NFIB: variants seen among roughly 807,000 people sequenced by gnomAD.
NFIB encodes nuclear factor I B, also known as nuclear factor 1 B-type.
Under a neutral mutation model 61.5 loss-of-function variants are expected in NFIB, and 11 were observed. The ratio of observed to expected loss-of-function variants is 0.18; its 90% CI spans 0.11 to 0.30. The LOEUF (loss-of-function observed/expected upper bound fraction) is 0.30. Among genes scored for constraint, NFIB ranks in the 10% least tolerant of loss-of-function variants. The pLI is 1.00. For synonymous variants in NFIB, 260 were observed against 216.5 expected (o/e 1.20, Z -1.76); for missense variants, 471 against 608.9 (o/e 0.77, Z 2.38).
chr9:14,347,173 A>T (rs972011438), intron 1 of NFIB: 1 of 152,148 alleles, frequency 6.6e-6, no homozygotes, highest in Non-Finnish European at 1.5e-5. Context: ...AAAAATCTTA[A>T]AAAAGAGAAA....
intron 1 of NFIB, among the ~76,000 whole-genome samples, chr9:14,312,580 G>A (rs975024675): frequency 6.6e-6 from 1 of 152,182 alleles, no homozygotes; most frequent in Admixed American, 6.5e-5. Flanking sequence ...TAAGTCTGTT[G>A]GGTCTCGCCG....
At chr9:14,348,873 C>G (rs957304650) in intron 1 of NFIB, among the ~76,000 whole-genome samples, 1 of 152,242 alleles carries the variant, frequency 6.6e-6, no homozygotes, top group South Asian at 2.1e-4. Flanking sequence ...TCGGAAACCA[C>G]GAAGCTTGCG....
intron 2 of NFIB, among the ~76,000 whole-genome samples, chr9:14,269,820 T>C (rs2057471758): frequency 6.6e-6 from 1 of 152,130 alleles, no homozygotes; most frequent in Admixed American, 6.6e-5. Flanking sequence ...AAAATCGCAG[T>C]CACCCTCAAA....
At chr9:14,335,620 T>C (rs2060877756) in intron 1 of NFIB, among the ~76,000 whole-genome samples, 2 of 152,204 alleles carry the variant, frequency 1.3e-5, no homozygotes, top group African/African-American at 4.8e-5. Flanking sequence ...TGCAATATTT[T>C]CTGCCACACT....
intron 2 of NFIB, among the ~76,000 whole-genome samples, chr9:14,253,408 T>C (rs898003628): frequency 2.0e-5 from 3 of 152,132 alleles, no homozygotes; most frequent in African/African-American, 2.4e-5. Context: ...AGGCTGGAAA[T>C]GTACAGAGGC....
chr9:14,110,315 A>T (rs2037169929), intron 10 of NFIB, among the ~76,000 whole-genome samples: 1 of 152,098 alleles, frequency 6.6e-6, no homozygotes, highest in Non-Finnish European at 1.5e-5. Flanking sequence ...TTCATAACCT[A>T]AAAGGATAAA....
At chr9:14,134,913 A>AAAAAAAAG (rs2040859087) in intron 6 of NFIB, among the ~76,000 whole-genome samples, 20 of 133,382 alleles carry the variant, frequency 1.5e-4, no homozygotes, top group Admixed American at 4.1e-4. Context: ...AAAAAAAAAA[A>AAAAAAAAG]AAAAAAAGGA....
chr9:14,326,367 G>T (rs567143712), intron 1 of NFIB, among the ~76,000 whole-genome samples: 176 of 152,310 alleles, frequency 1.2e-3, no homozygotes, highest in African/African-American at 4.1e-3. Flanking sequence ...CTGCAGTGGA[G>T]TTGAAACACC....
At chr9:14,426,909 A>G in the NFIB span, among the ~76,000 whole-genome samples, 2 of 152,148 alleles carry the variant, frequency 1.3e-5, no homozygotes, top group Non-Finnish European at 2.9e-5. Flanking sequence ...AGCCATACTG[A>G]GATCCAGCAG....
At chr9:14,219,050 T>G (rs1031972503) in intron 2 of NFIB, among the ~76,000 whole-genome samples, 2 of 152,150 alleles carry the variant, frequency 1.3e-5, no homozygotes. Context: ...GTGCTGGCTC[T>G]TCATTAAGGG....
At chr9:14,164,132 A>G (rs2044506301) in intron 3 of NFIB, among the ~76,000 whole-genome samples, 1 of 152,028 alleles carries the variant, frequency 6.6e-6, no homozygotes, top group Non-Finnish European at 1.5e-5. Flanking sequence ...AATATTTAAA[A>G]AAATAAATAA....
intron 2 of NFIB, among the ~76,000 whole-genome samples, chr9:14,259,109 G>A (rs190847286): frequency 1.3e-5 from 2 of 152,324 alleles, no homozygotes; most frequent in East Asian, 3.9e-4. Context: ...CTTTGGTATT[G>A]AGTGAACCCT....
intron 3 of NFIB, among the ~76,000 whole-genome samples, chr9:14,163,702 G>C (rs535113441): frequency 6.6e-6 from 1 of 151,996 alleles, no homozygotes; most frequent in African/African-American, 2.4e-5. Context: ...TTTAAGAATT[G>C]AACATGACTG....
the NFIB span, among the ~76,000 whole-genome samples, chr9:14,422,870 G>A: frequency 0.16 from 24,383 of 152,110 alleles, 2,495 homozygotes; most frequent in African/African-American, 0.28. Flanking sequence ...GGAGGATGCT[G>A]GGCATGTAAA....
chr9:14,363,187 T>C (rs1481731450), intron 1 of NFIB, among the ~76,000 whole-genome samples: 1 of 152,102 alleles, frequency 6.6e-6, no homozygotes, highest in African/African-American at 2.4e-5. Context: ...AAACACAAAC[T>C]CTTTGTCTTT....
chr9:14,279,813 A>G (rs181352888), intron 2 of NFIB, among the ~76,000 whole-genome samples: 1 of 152,312 alleles, frequency 6.6e-6, no homozygotes, highest in African/African-American at 2.4e-5. Flanking sequence ...AATGTAAACA[A>G]TGGTCCTGTA....
intron 1 of NFIB, among the ~76,000 whole-genome samples, chr9:14,354,928 C>T (rs898055428): frequency 2.6e-5 from 4 of 151,886 alleles, no homozygotes; most frequent in African/African-American, 9.7e-5. Context: ...ATTCCTTGTG[C>T]GGCAGGGGAG....
chr9:14,105,383 A>T (rs1457749525), intron 10 of NFIB, among the ~76,000 whole-genome samples: 1 of 152,228 alleles, frequency 6.6e-6, no homozygotes, highest in African/African-American at 2.4e-5. Context: ...ATTTCCTTTT[A>T]GTTACTAAAA....
chr9:14,149,400 C>T (rs2042619724), intron 5 of NFIB, among the ~76,000 whole-genome samples: 1 of 151,952 alleles, frequency 6.6e-6, no homozygotes, highest in Non-Finnish European at 1.5e-5. Flanking sequence ...TATTTGATTA[C>T]ACATATATTT....
Sources: gnomAD v4.1 joint callset for allele counts (sites outside exome capture counted in the v4.1 genomes callset) on GRCh38, gnomAD v4.1.1 for gene constraint, MANE v1.5 for transcripts, NCBI Gene and HGNC (gene_info 2026-07-23, HGNC 2026-07-21) for gene names.